Variants in RAP1GAP observed in about 807,000 individuals in gnomAD.
RAP1GAP encodes rap1 GTPase-activating protein 1.
A neutral mutation model predicts 87.2 loss-of-function variants in RAP1GAP; 35 were observed. That is an observed-to-expected ratio of 0.40 (90% CI 0.31 to 0.53). RAP1GAP has a LOEUF of 0.53. Ranked by LOEUF, RAP1GAP falls within the 20% of genes least tolerant of loss-of-function variation. The pLI is 0.48. For synonymous variants in RAP1GAP, 375 were observed against 363.9 expected, an observed-to-expected ratio of 1.03 and a Z score of -0.35; for missense variants, 734 against 898.9, an observed-to-expected ratio of 0.82 and a Z score of 2.35.
rs1194665440 is a variant in RAP1GAP at position 21,668,584 on chromosome 1, G to C, written c.-149+670C>G. The C allele has an allele frequency of 6.6e-6, 1 of 151,504 alleles. No individual in the cohort carries two copies. The highest frequency in any genetic ancestry group is 1.5e-5 in the Non-Finnish European group (1 of 67,984). The allele number at this position is 151,504 out of a possible 1,614,324, so 9.4% of individuals were successfully genotyped here. ...CCCAAGCCCAGGCGCCCCGCAGCTGGCACCAAACCCTGCAGGGCACGGAAA... is the reference window on the plus strand; with the variant it reads ...CCCAAGCCCAGGCGCCCCGCAGCTGCCACCAAACCCTGCAGGGCACGGAAA... On this transcript the variant is annotated intron_variant, in intron 1 of 24. Coordinates refer to ENST00000374765, the MANE Select transcript of RAP1GAP (RefSeq NM_002885.4). The surrounding 1 kb of genome is among the most constrained non-coding windows in gnomAD (Gnocchi z 6.2).
rs1208469391 is a variant in RAP1GAP at position 21,611,870 on chromosome 1, C to T, written c.613-54G>A. The T allele has an allele frequency of 3.6e-5, 56 of 1,550,820 alleles. 1 individual carries two copies. Among genetic ancestry groups the T allele is most frequent in the South Asian group, 4.5e-5 (4 of 89,676 alleles). ...CTGGAGTTCCTGAGAAGCCCCTGCC[C>T]TCTGTCCCTACTTGGACCCAGAGAG... On this transcript the variant is annotated intron_variant, in intron 11 of 24. Transcript: ENST00000374765.
At chr1:21,631,903 C>T (rs1571022753) in intron 2 of RAP1GAP, among the ~76,000 whole-genome samples, 1 of 152,238 alleles carries the variant, frequency 6.6e-6, no homozygotes, top group East Asian at 1.9e-4. Context: ...GTCACCTGGC[C>T]TCCTGCCCCA....
chr1:21,644,899 TCAAA>T (rs1558851167), intron 2 of RAP1GAP, among the ~76,000 whole-genome samples: 1 of 37,228 alleles, frequency 2.7e-5, no homozygotes, highest in Non-Finnish European at 5.3e-5. Context: ...AGACCCTGTC[TCAAA>T]AAAAAAAAAA....
chr1:21,597,387 T>C, intron 24 of RAP1GAP, 123 bp from the exon 25 acceptor site: 1 of 313,736 alleles, frequency 3.2e-6, no homozygotes, highest in Non-Finnish European at 5.9e-6. Context: ...GGCCCACCCT[T>C]GGAATTCCAG....
intron 1 of RAP1GAP, chr1:21,651,730 ACACGCACACGCG>A: frequency 9.0e-7 from 1 of 1,108,778 alleles, no homozygotes; most frequent in South Asian, 1.4e-5. Context: ...CCACGCGTGC[ACACGCACACGCG>A]CGCACGCGCC....
intron 3 of RAP1GAP, among the ~76,000 whole-genome samples, chr1:21,620,579 A>C (rs190701010): frequency 6.6e-6 from 1 of 152,020 alleles, no homozygotes. Flanking sequence ...ACCCTCGCAC[A>C]CTCGAGCTAC....
At chr1:21,602,965 C>G (rs1326378277) in intron 18 of RAP1GAP, 52 bp from the exon 19 acceptor site, 2 of 1,204,506 alleles carry the variant, frequency 1.7e-6, no homozygotes, top group Admixed American at 2.4e-5. Context: ...GCCCCAGTGC[C>G]CCCCCCACAT....
intron 1 of RAP1GAP, among the ~76,000 whole-genome samples, chr1:21,659,854 T>A (rs1289087769): frequency 6.6e-6 from 1 of 152,086 alleles, no homozygotes; most frequent in Non-Finnish European, 1.5e-5. Flanking sequence ...TTAGGTACAA[T>A]CATCTTCCCC....
intron 17 of RAP1GAP, 56 bp downstream of exon 17, chr1:21,608,157 G>A: frequency 1.9e-6 from 3 of 1,593,074 alleles, no homozygotes; most frequent in Admixed American, 3.4e-5. Context: ...CTCAGCCCGG[G>A]ATTCCGCCCT....
intron 1 of RAP1GAP, among the ~76,000 whole-genome samples, chr1:21,656,646 C>T (rs1213160274): frequency 6.6e-6 from 1 of 152,150 alleles, no homozygotes; most frequent in South Asian, 2.1e-4. Context: ...TGACTTGGCT[C>T]ACAGCCCTTC....
At chr1:21,608,608 C>A (rs1414769744) in intron 16 of RAP1GAP, among the ~76,000 whole-genome samples, 3 of 151,234 alleles carry the variant, frequency 2.0e-5, no homozygotes, top group African/African-American at 7.3e-5. Flanking sequence ...TCCACCCCCC[C>A]ACCTGACAGG....
intron 4 of RAP1GAP, 64 bp downstream of exon 4, chr1:21,619,951 G>GCC: frequency 6.4e-7 from 1 of 1,551,302 alleles, no homozygotes; most frequent in Non-Finnish European, 8.9e-7. Flanking sequence ...TGCAGCAAGG[G>GCC]CCCCCCAGCC....
intron 1 of RAP1GAP, chr1:21,653,390 G>A (rs2096707182): frequency 6.5e-6 from 1 of 152,698 alleles, no homozygotes; most frequent in African/African-American, 2.4e-5. Context: ...CTCAGAGGAG[G>A]GTGTGGCTTC....
intron 17 of RAP1GAP, among the ~76,000 whole-genome samples, chr1:21,608,011 CT>C (rs1558646689): frequency 2.6e-5 from 4 of 151,894 alleles, no homozygotes. Flanking sequence ...GCCACGCCCC[CT>C]CTCAGACTCC....
chr1:21,615,680 G>C lies in RAP1GAP; in HGVS notation c.292-1591C>G, dbSNP rs1256284. On this transcript the variant is annotated intron_variant, in intron 7 of 24. Transcript: ENST00000374765. This position sits in a 1 kb window ranked among gnomAD's most constrained non-coding sequence, Gnocchi z 4.5. ...GTGCTGGGATTACAGGTATAAGCCA[G>C]GGCGCCCAGCTGCCTCTTCTGACCC... 0.88 allele frequency among the ~76,000 whole-genome samples: 133,555 copies of C among 152,204 alleles called. 58,687 individuals are homozygous for C. Among genetic ancestry groups the C allele is most frequent in the East Asian group, 0.97 (5,044 of 5,182 alleles).
chr1:21,656,363 G>A (rs1571434870), intron 1 of RAP1GAP, among the ~76,000 whole-genome samples: 1 of 139,806 alleles, frequency 7.2e-6, no homozygotes, highest in East Asian at 2.1e-4. Context: ...AAGTTGCAGT[G>A]ACCAAAGATC....
chr1:21,655,377 C>T (rs1281269046), intron 1 of RAP1GAP, among the ~76,000 whole-genome samples: 1 of 152,194 alleles, frequency 6.6e-6, no homozygotes. Flanking sequence ...GGAACAGCCT[C>T]CAGGACTGAC....
At chr1:21,649,883 C>T in intron 1 of RAP1GAP, 87 bp from the exon 2 acceptor site, 1 of 1,365,362 alleles carries the variant, frequency 7.3e-7, no homozygotes, top group Non-Finnish European at 1.0e-6. Flanking sequence ...TGCACTGCAC[C>T]ACCCTCCCAG....
chr1:21,642,662 C>G (rs577984247), intron 2 of RAP1GAP, among the ~76,000 whole-genome samples: 11 of 152,230 alleles, frequency 7.2e-5, no homozygotes, highest in Non-Finnish European at 1.6e-4. Flanking sequence ...CCCATGGTGG[C>G]TGGGGGGTTC....
Sources: gnomAD v4.1 joint callset for allele counts (sites outside exome capture counted in the v4.1 genomes callset) on GRCh38, gnomAD v4.1.1 for gene constraint, Gnocchi (gnomAD v3.1) non-coding constraint, MANE v1.5 for transcripts, NCBI Gene and HGNC (gene_info 2026-07-23, HGNC 2026-07-21) for gene names.